MAL2: variants seen among roughly 807,000 people sequenced by gnomAD.
MAL2 encodes the protein protein MAL2.
A neutral mutation model predicts 18.1 loss-of-function variants in MAL2; 17 were observed. That is an observed-to-expected ratio of 0.94 (90% confidence interval 0.64 to 1.41). MAL2 has a LOEUF of 1.41. MAL2 is among the 40% of genes most tolerant of loss of function. The pLI is 0.00. For missense variants in MAL2, 222 were observed against 231.9 expected, an observed-to-expected ratio of 0.96 and a Z score of 0.28; for synonymous variants, 102 against 102.3, an observed-to-expected ratio of 1.00 and a Z score of 0.02.
Position 119,221,709 on chromosome 8 carries a change from G to A in MAL2, c.255G>A (p.Met85Ile), listed in dbSNP as rs779442585. ...TCTTTTCGCTCCTCTTTCTGGGCAT[G>A]TTCCTCTCTGGCATGGTGGCTCAAA... ...AFFFSLLFLG[M>I]FLSGMVAQID... is the part of the protein sequence containing the mutation. Residue 85 changes from methionine (M) to isoleucine (I), a missense_variant, in exon 2 of 4, where the codon ATG (methionine) becomes ATA (isoleucine). Transcript: ENST00000614891. The A allele has an allele frequency of 6.2e-7, 1 of 1,613,906 alleles. No individual in the cohort carries two copies. Among genetic ancestry groups the A allele is most frequent in the Non-Finnish European group, 8.5e-7 (1 of 1,179,842 alleles).
rs1264579268 is a variant in MAL2 at position 119,244,942 on chromosome 8, A to G, written c.*1454A>G. ...TTTTCAGCCCTTTACTTTCTGGCTG[A>G]AGCATCCCCTTGGAGTGCCATGTAT... On this transcript the variant is annotated 3_prime_UTR_variant, in exon 4 of 4. Transcript: ENST00000614891. The G allele has an allele frequency of 6.6e-6, 1 of 152,578 alleles. No individual in the cohort carries two copies. Among genetic ancestry groups the G allele is most frequent in the Non-Finnish European group, 1.5e-5 (1 of 68,010 alleles). The allele number at this position is 152,578 out of a possible 1,614,324, so 9.5% of individuals were successfully genotyped here.
Position 119,240,308 on chromosome 8 carries a change from CG to C in MAL2, c.448del (p.Val150Ter). 1 of 1,613,276 alleles carries C rather than the reference CG, an allele frequency of 6.2e-7. No homozygotes were observed. Among genetic ancestry groups the C allele is most frequent in the Non-Finnish European group, 8.5e-7 (1 of 1,179,538 alleles). On this transcript the variant is annotated frameshift_variant, in exon 3 of 4. Transcript: ENST00000614891. LOFTEE classifies it high-confidence loss of function. ...TGAGTGATAACCAGTATAACATAAA[CG>C]TAGCAGCCTCAGTAAGTATTCATAT... is the stretch of plus-strand genomic sequence containing the variant. The part of the protein sequence containing the change: ...LLSDNQYNIN[V>X]AASIFAFMTT...
At chr8:119,238,555 A>T (rs549264183) in intron 2 of MAL2, among the ~76,000 whole-genome samples, 2 of 149,662 alleles carry the variant, frequency 1.3e-5, no homozygotes, top group Non-Finnish European at 3.0e-5. Flanking sequence ...CCAAAACAGC[A>T]TGGTACTGGG....
chr8:119,235,066 A>G lies in MAL2; in HGVS notation c.304-5099A>G, dbSNP rs536491683. Among the ~76,000 whole-genome samples the G allele has an allele frequency of 5.3e-5, 8 of 151,728 alleles. No homozygotes were observed. In the South Asian group the frequency reaches 1.7e-3, roughly 32 times the overall value. ...AAAGAAGTTGAAAACTTTGAAAAAA[A>G]TTTAGAAGAATGTATAACTAGAATA... On this transcript the variant is annotated intron_variant, in intron 2 of 3. Transcript: ENST00000614891.
chr8:119,228,498 A>C (rs1444518817), intron 2 of MAL2, among the ~76,000 whole-genome samples: 1 of 152,110 alleles, frequency 6.6e-6, no homozygotes, highest in Non-Finnish European at 1.5e-5. Context: ...ATCCTAAAGG[A>C]TGACCCCCAT....
At chr8:119,238,222 C>A (rs1022373927) in intron 2 of MAL2, among the ~76,000 whole-genome samples, 1 of 152,180 alleles carries the variant, frequency 6.6e-6, no homozygotes, top group African/African-American at 2.4e-5. Flanking sequence ...AGGAATCCAA[C>A]TTACAAGGGA....
chr8:119,217,790 G>A (rs1205542991), intron 1 of MAL2, among the ~76,000 whole-genome samples: 1 of 152,004 alleles, frequency 6.6e-6, no homozygotes. Flanking sequence ...CTAAAAATAT[G>A]GCCACCTCCA....
Position 119,243,571 on chromosome 8 carries a change from G to C in MAL2, c.*83G>C. On this transcript the variant is annotated 3_prime_UTR_variant, in exon 4 of 4. Transcript: ENST00000614891. ...ATCAATTTGGATACCATTTTGTCCAGATGCAAAAACATTCCAAAAGTAATG... is the reference window on the plus strand; with the variant it reads ...ATCAATTTGGATACCATTTTGTCCACATGCAAAAACATTCCAAAAGTAATG... 7.9e-7 allele frequency: 1 copy of C among 1,268,804 alleles called. No homozygotes were observed. Among genetic ancestry groups the C allele is most frequent in the Non-Finnish European group, 1.1e-6 (1 of 933,308 alleles). The allele number at this position is 1,268,804 out of a possible 1,614,324, so 78.6% of individuals were successfully genotyped here.
In MAL2 at chr8:119,219,523, GTGT is replaced by G. The variant is rs1563769936; in HGVS notation, c.133-2063_133-2061del. 0.026 allele frequency among the ~76,000 whole-genome samples: 28 copies of G among 1,080 alleles called. No individual in the cohort carries two copies. The East Asian group carries it at 0.31, about 12-fold the overall frequency. 0.7% of individuals were successfully genotyped at this position (1,080 alleles called of 152,430 possible). ...GCGTGCTCTATCACTCTCCCTGGGTGTGTGTGTGTGTGTGTGTGTGTGTGTGTG... is the reference window on the plus strand; with the variant it reads ...GCGTGCTCTATCACTCTCCCTGGGTGGTGTGTGTGTGTGTGTGTGTGTGTG... On this transcript the variant is annotated intron_variant, in intron 1 of 3. Coordinates refer to ENST00000614891, the MANE Select transcript of MAL2 (RefSeq NM_052886.3).
At position 119,208,554 on chromosome 8, in the gene MAL2, G is replaced by A. The variant is rs1443505090; in HGVS notation, c.82G>A (p.Gly28Ser). 1 of 1,397,514 alleles carries A rather than the reference G, an allele frequency of 7.2e-7. No individual in the cohort carries two copies. 86.6% of individuals were successfully genotyped at this position (1,397,514 alleles called of 1,614,324 possible). A position where few individuals can be genotyped will look rare whatever the true frequency, so the allele number is the denominator to read the frequency against. Residue 28 changes from glycine (G) to serine (S), a missense_variant, in exon 1 of 4, where the codon GGC (glycine) becomes AGC (serine). Physicochemically the swap from Gly to Ser is moderately conservative, Grantham distance 56. Coordinates refer to ENST00000614891, the MANE Select transcript of MAL2 (RefSeq NM_052886.3). This position sits in a 1 kb window ranked among gnomAD's most constrained non-coding sequence, Gnocchi z 4.3. ...FPPPRVTLPA[G>S]PDILRTYSGA... ...GCCGCCCCGGGTCACCCTGCCCGCC[G>A]GCCCCGACATCCTGCGGACCTACTC...
At chr8:119,235,054 A>C (rs1257742115) in intron 2 of MAL2, among the ~76,000 whole-genome samples, 2 of 151,418 alleles carry the variant, frequency 1.3e-5, no homozygotes, top group Non-Finnish European at 3.0e-5. Flanking sequence ...GAAGTTGAAA[A>C]CTTTGAAAAA....
chr8:119,242,805 G>A (rs1818073587), intron 3 of MAL2, among the ~76,000 whole-genome samples: 1 of 152,172 alleles, frequency 6.6e-6, no homozygotes, highest in South Asian at 2.1e-4. Flanking sequence ...CCCCAAAAGG[G>A]TGAGGACATT....
chr8:119,217,497 G>A (rs182227524), intron 1 of MAL2, among the ~76,000 whole-genome samples: 1 of 152,122 alleles, frequency 6.6e-6, no homozygotes, highest in South Asian at 2.1e-4. Context: ...GAGGTTTGAC[G>A]TCATAAGCAC....
In MAL2 at chr8:119,234,429, C is replaced by G. The variant is rs534322467; in HGVS notation, c.304-5736C>G. On this transcript the variant is annotated intron_variant, in intron 2 of 3. Coordinates refer to ENST00000614891, the MANE Select transcript of MAL2 (RefSeq NM_052886.3). ...GCTTGCTTAGGTAAACAAAGCAGCCCGGAAGCTCGAACTGGGTGGAGCCCA... is the reference window on the plus strand; with the variant it reads ...GCTTGCTTAGGTAAACAAAGCAGCCGGGAAGCTCGAACTGGGTGGAGCCCA... Among the ~76,000 whole-genome samples, 416 of 152,276 alleles carry G rather than the reference C, an allele frequency of 2.7e-3. 2 individuals are homozygous for G. Among genetic ancestry groups the G allele is most frequent in the Non-Finnish European group, 3.9e-3 (268 of 68,016 alleles).
At chr8:119,224,265 G>A (rs1009568755) in intron 2 of MAL2, 1 of 152,096 alleles carries the variant, frequency 6.6e-6, no homozygotes, top group Non-Finnish European at 1.5e-5. Context: ...TCTATTCTGG[G>A]AAAATAAGGA....
At chr8:119,213,916 C>T (rs775852036) in intron 1 of MAL2, among the ~76,000 whole-genome samples, 5 of 152,056 alleles carry the variant, frequency 3.3e-5, no homozygotes, top group Non-Finnish European at 7.4e-5. Context: ...TCATTTGCTC[C>T]GACTGGCAGT....
chr8:119,235,398 C>A (rs9772137), intron 2 of MAL2, among the ~76,000 whole-genome samples: 26,526 of 151,954 alleles, frequency 0.17, 2,739 homozygotes, highest in South Asian at 0.34. Context: ...AGGAGAACTT[C>A]CCCAATCTAG....
At chr8:119,211,305 C>T (rs1038228730) in intron 1 of MAL2, among the ~76,000 whole-genome samples, 1 of 152,138 alleles carries the variant, frequency 6.6e-6, no homozygotes, top group East Asian at 1.9e-4. Flanking sequence ...TAACCTCTGC[C>T]GGTGTTTCTG....
chr8:119,232,268 T>C (rs114575525), intron 2 of MAL2, among the ~76,000 whole-genome samples: 2,281 of 151,988 alleles, frequency 0.015, 61 homozygotes, highest in African/African-American at 0.053. Flanking sequence ...ACTTTGGGAC[T>C]AGACACACTA....
Sources: gnomAD v4.1 joint callset for allele counts (sites outside exome capture counted in the v4.1 genomes callset) on GRCh38, gnomAD v4.1.1 for gene constraint, Gnocchi (gnomAD v3.1) non-coding constraint, MANE v1.5 for transcripts, NCBI Gene and HGNC (gene_info 2026-07-23, HGNC 2026-07-21) for gene names.